The following EPS15 variants were observed in gnomAD, a reference collection of about 807,000 sequenced individuals.
The protein encoded by EPS15 is epidermal growth factor receptor pathway substrate 15.
In EPS15, 72 loss-of-function variants were observed where a neutral mutation model predicts 113.8. The ratio of observed to expected loss-of-function variants is 0.63; its 90% CI spans 0.52 to 0.77. The LOEUF (loss-of-function observed/expected upper bound fraction) is 0.77. Ranked by LOEUF, EPS15 falls within the 30% of genes least tolerant of loss-of-function variation. The pLI, the probability that EPS15 is intolerant of heterozygous loss-of-function variation, is 0.00. For missense variants in EPS15, 1,048 were observed against 1,045.8 expected (o/e 1.00, Z -0.03); for synonymous variants, 344 against 363.4 (o/e 0.95, Z 0.61).
chr1:51,370,624 GT>G (rs58278423), intron 21 of EPS15, among the ~76,000 whole-genome samples: 292 of 142,060 alleles, frequency 2.1e-3, no homozygotes, highest in East Asian at 6.1e-3. Context: ...TTGTTAGGCT[GT>G]TTTTTTTTTT....
chr1:51,475,528 T>C (rs1273690721), intron 2 of EPS15, among the ~76,000 whole-genome samples: 3 of 152,216 alleles, frequency 2.0e-5, no homozygotes, highest in African/African-American at 7.2e-5. Flanking sequence ...ATGGGGTTGT[T>C]TGATTTCTTC....
intron 8 of EPS15, among the ~76,000 whole-genome samples, chr1:51,454,126 C>T (rs1226584192): frequency 2.7e-5 from 4 of 146,464 alleles, no homozygotes. Flanking sequence ...AATATGTAAA[C>T]AGTTAATTTT....
At chr1:51,492,466 A>T (rs1644251995) in intron 1 of EPS15, among the ~76,000 whole-genome samples, 1 of 152,232 alleles carries the variant, frequency 6.6e-6, no homozygotes, top group African/African-American at 2.4e-5. Context: ...GAAGAAAGGG[A>T]CTTTAGAATA....
chr1:51,369,149 AC>A (rs1225556526), intron 21 of EPS15, among the ~76,000 whole-genome samples: 1 of 152,230 alleles, frequency 6.6e-6, no homozygotes, highest in African/African-American at 2.4e-5. Context: ...TAAAAAGGAC[AC>A]TTCTATATGA....
chr1:51,472,995 A>G (rs1295810958), intron 2 of EPS15, 47 bp from the exon 3 acceptor site: 1 of 1,409,410 alleles, frequency 7.1e-7, no homozygotes, highest in Admixed American at 1.7e-5. Context: ...ACAAAAGGCA[A>G]AATTATCACC....
intron 12 of EPS15, among the ~76,000 whole-genome samples, chr1:51,439,680 C>CTTA: frequency 6.6e-6 from 1 of 152,192 alleles, no homozygotes; most frequent in East Asian, 1.9e-4. Context: ...TGAGTCTGTT[C>CTTA]TACATAGTAC....
intron 11 of EPS15, 61 bp downstream of exon 11, chr1:51,444,828 T>G (rs1256979036): frequency 6.9e-7 from 1 of 1,447,616 alleles, no homozygotes; most frequent in Middle Eastern, 1.8e-4. Flanking sequence ...GAATCTGTAA[T>G]TCGACATAGT....
intron 2 of EPS15, 56 bp downstream of exon 2, chr1:51,481,217 G>C: frequency 1.1e-6 from 1 of 870,806 alleles, no homozygotes; most frequent in Admixed American, 1.8e-5. Flanking sequence ...ATACAATCAA[G>C]AGTTGACAGT....
At chr1:51,444,280 G>A (rs1394918505) in intron 11 of EPS15, among the ~76,000 whole-genome samples, 1 of 152,150 alleles carries the variant, frequency 6.6e-6, no homozygotes, top group Non-Finnish European at 1.5e-5. Flanking sequence ...AAAAATCAAG[G>A]CATGACTAAA....
At chr1:51,382,331 A>T (rs1420370999) in intron 21 of EPS15, 1 of 152,124 alleles carries the variant, frequency 6.6e-6, no homozygotes, top group African/African-American at 2.4e-5. Context: ...CAGCACATAT[A>T]CTAAAACTAG....
chr1:51,403,858 G>C (rs867569233), intron 16 of EPS15, among the ~76,000 whole-genome samples: 1 of 152,048 alleles, frequency 6.6e-6, no homozygotes, highest in Non-Finnish European at 1.5e-5. Context: ...ATCATCTTTG[G>C]TTCCAATTAC....
chr1:51,486,929 G>A lies in EPS15; in HGVS notation c.34-5615C>T, dbSNP rs756863395. On this transcript the variant is annotated intron_variant, in intron 1 of 24. Coordinates refer to ENST00000371733, the MANE Select transcript of EPS15 (RefSeq NM_001981.3). ...AGGTGATCCATCTGCCTCGGCCTCC[G>A]AAAATGCTGGGATTACAGGCATAAG... Among the ~76,000 whole-genome samples the A allele has an allele frequency of 1.3e-4, 20 of 152,048 alleles. No individual in the cohort carries two copies. In the East Asian group the frequency reaches 1.4e-3, roughly 10 times the overall value.
rs934500567 is a variant in EPS15 at position 51,356,184 on chromosome 1, C to T, written c.*516G>A. The T allele has an allele frequency of 9.5e-6, 2 of 211,516 alleles. No homozygotes were observed. The highest frequency in any genetic ancestry group is 1.9e-5 in the Non-Finnish European group (2 of 104,438). The allele number at this position is 211,516 out of a possible 1,614,324, so 13.1% of individuals were successfully genotyped here. On this transcript the variant is annotated 3_prime_UTR_variant, in exon 25 of 25. Coordinates refer to ENST00000371733, the MANE Select transcript of EPS15 (RefSeq NM_001981.3). Reference sequence around the variant, plus strand: ...AATATTTTTCCTTATCTCTGAAAAACAAATTAAGTAGAGGAAATTTAAAAA... The same window carrying T: ...AATATTTTTCCTTATCTCTGAAAAATAAATTAAGTAGAGGAAATTTAAAAA...
At chr1:51,470,759 C>CA (rs2148510623) in intron 4 of EPS15, among the ~76,000 whole-genome samples, 1 of 151,644 alleles carries the variant, frequency 6.6e-6, no homozygotes, top group East Asian at 1.9e-4. Flanking sequence ...ACTCAATATC[C>CA]AAAATCAAAC....
intron 1 of EPS15, among the ~76,000 whole-genome samples, chr1:51,504,176 G>A (rs993100138): frequency 5.3e-5 from 8 of 152,132 alleles, no homozygotes; most frequent in African/African-American, 9.7e-5. Flanking sequence ...ACTCTGGGAG[G>A]CGAAAGCGAG....
At chr1:51,416,625 T>C (rs1650247019) in intron 13 of EPS15, among the ~76,000 whole-genome samples, 1 of 152,114 alleles carries the variant, frequency 6.6e-6, no homozygotes, top group Admixed American at 6.5e-5. Flanking sequence ...TGAAGTGCTA[T>C]GGGGTAGTGG....
chr1:51,479,928 T>G (rs926314273), intron 2 of EPS15, among the ~76,000 whole-genome samples: 6 of 152,186 alleles, frequency 3.9e-5, no homozygotes, highest in African/African-American at 1.4e-4. Context: ...CCTTAGCAAA[T>G]CTGGGAAACC....
At chr1:51,476,819 G>A (rs189996234) in intron 2 of EPS15, among the ~76,000 whole-genome samples, 22 of 152,290 alleles carry the variant, frequency 1.4e-4, no homozygotes, top group Admixed American at 9.2e-4. Context: ...TGATCATGGT[G>A]GATAAGCTTT....
Position 51,390,924 on chromosome 1 carries a change from G to T in EPS15, c.2119+3457C>A, listed in dbSNP as rs1396577714. 2.6e-5 allele frequency among the ~76,000 whole-genome samples: 4 copies of T among 152,282 alleles called. No homozygotes were observed. In the East Asian group the frequency reaches 7.7e-4, roughly 29 times the overall value. ...AGTGTGGCAATTCCTCAGGGATCTA[G>T]AACTAGAAATACCATTTGACCCAGC... On this transcript the variant is annotated intron_variant, in intron 21 of 24. Transcript: ENST00000371733.
Sources: gnomAD v4.1 joint callset for allele counts (sites outside exome capture counted in the v4.1 genomes callset) on GRCh38, gnomAD v4.1.1 for gene constraint, MANE v1.5 for transcripts, NCBI Gene and HGNC (gene_info 2026-07-23, HGNC 2026-07-21) for gene names.